The following DHRS7B variants were observed in gnomAD, a reference collection of about 807,000 sequenced individuals.
DHRS7B encodes dehydrogenase/reductase 7B, also known as peroxisomal reductase activating PPAR-gamma.
Under a neutral mutation model 26.4 loss-of-function variants are expected in DHRS7B, and 24 were observed. The observed-to-expected ratio is 0.91, with a 90% CI of 0.66 to 1.28. DHRS7B has a LOEUF of 1.28. DHRS7B is among the 50% of genes most tolerant of loss of function. The probability of loss-of-function intolerance (pLI) is 0.00; values close to 1 mark genes in which losing one functional copy is unlikely to be tolerated. For synonymous variants in DHRS7B, 142 were observed against 166.4 expected (o/e 0.85, Z 1.13); for missense variants, 368 against 419.4 (o/e 0.88, Z 1.07).
At chr17:21,148,238 G>T (rs1301149147) in intron 1 of DHRS7B, among the ~76,000 whole-genome samples, 2 of 151,704 alleles carry the variant, frequency 1.3e-5, no homozygotes, top group Non-Finnish European at 2.9e-5. Flanking sequence ...TTTAAAAAAA[G>T]AATTCAAAAT....
chr17:21,133,851 G>A (rs1485497267), intron 1 of DHRS7B, among the ~76,000 whole-genome samples: 1 of 152,102 alleles, frequency 6.6e-6, no homozygotes, highest in Non-Finnish European at 1.5e-5. Context: ...TGGAAAAATC[G>A]ATATTGGCCA....
chr17:21,183,963 T>C (rs1974572687), intron 4 of DHRS7B, among the ~76,000 whole-genome samples, 153 bp downstream of exon 4: 1 of 152,236 alleles, frequency 6.6e-6, no homozygotes, highest in Non-Finnish European at 1.5e-5. Flanking sequence ...GGGTATTTGC[T>C]TTATAGCTTC....
In DHRS7B at chr17:21,141,640, A is replaced by AG; in HGVS notation, c.20+14649_20+14650insG. Among the ~76,000 whole-genome samples the AG allele has an allele frequency of 2.2e-5, 2 of 90,078 alleles. 1 individual carries two copies. Among genetic ancestry groups the AG allele is most frequent in the Non-Finnish European group, 4.1e-5 (2 of 48,492 alleles). 59.1% of individuals were successfully genotyped at this position (90,078 alleles called of 152,430 possible). ...AAAGCAAAAAAAAAAAAAAAAAAAA[A>AG]CAACCTCATCTCAAACTCCACAAAG... is the stretch of plus-strand genomic sequence containing the variant. On this transcript the variant is annotated intron_variant, in intron 1 of 6. Coordinates refer to ENST00000395511, the MANE Select transcript of DHRS7B (RefSeq NM_015510.5).
chr17:21,166,709 G>T (rs1218041412), intron 1 of DHRS7B, among the ~76,000 whole-genome samples: 1 of 152,136 alleles, frequency 6.6e-6, no homozygotes, highest in African/African-American at 2.4e-5. Context: ...AGTACGTGTA[G>T]GTTTGTGGGA....
chr17:21,149,864 T>G (rs1973724074), intron 1 of DHRS7B, among the ~76,000 whole-genome samples: 1 of 146,976 alleles, frequency 6.8e-6, no homozygotes, highest in Non-Finnish European at 1.5e-5. Context: ...AAGAGAGGAG[T>G]TGCAAAACAA....
intron 1 of DHRS7B, among the ~76,000 whole-genome samples, chr17:21,155,700 C>T (rs1435089921): frequency 2.0e-5 from 3 of 152,146 alleles, no homozygotes; most frequent in African/African-American, 7.2e-5. Flanking sequence ...GAAACATTCA[C>T]TTAGACCACA....
intron 1 of DHRS7B, 38 bp downstream of exon 1, chr17:21,127,029 G>T: frequency 1.3e-6 from 2 of 1,511,906 alleles, no homozygotes; most frequent in South Asian, 1.2e-5. Flanking sequence ...GAGATGAGGC[G>T]ATAGGGTCTG....
At chr17:21,151,868 G>A (rs1430339435) in intron 1 of DHRS7B, among the ~76,000 whole-genome samples, 1 of 152,164 alleles carries the variant, frequency 6.6e-6, no homozygotes, top group Non-Finnish European at 1.5e-5. Context: ...TGGATCATGA[G>A]GAATCTTATG....
chr17:21,157,481 G>A (rs1191890995), intron 1 of DHRS7B, among the ~76,000 whole-genome samples: 1 of 152,120 alleles, frequency 6.6e-6, no homozygotes, highest in African/African-American at 2.4e-5. Flanking sequence ...AGAATTGCGT[G>A]AGGCCAGGAA....
At chr17:21,168,236 A>G (rs961597132) in intron 1 of DHRS7B, among the ~76,000 whole-genome samples, 2 of 152,236 alleles carry the variant, frequency 1.3e-5, no homozygotes, top group African/African-American at 4.8e-5. Flanking sequence ...GGGATTATCA[A>G]TATGAACAAC....
At chr17:21,139,341 C>T (rs993158077) in intron 1 of DHRS7B, among the ~76,000 whole-genome samples, 4 of 152,114 alleles carry the variant, frequency 2.6e-5, no homozygotes, top group Non-Finnish European at 4.4e-5. Flanking sequence ...ACCCCCGTGC[C>T]ATATTTTGAC....
intron 1 of DHRS7B, among the ~76,000 whole-genome samples, chr17:21,134,778 A>G (rs1235616631): frequency 1.3e-5 from 2 of 152,244 alleles, no homozygotes; most frequent in African/African-American, 4.8e-5. Context: ...TGTTCATAGG[A>G]GTATGCTGAA....
intron 3 of DHRS7B, among the ~76,000 whole-genome samples, chr17:21,180,783 C>G (rs1974500243): frequency 2.6e-5 from 4 of 152,298 alleles, no homozygotes; most frequent in South Asian, 4.1e-4. Flanking sequence ...TCCATCTGTC[C>G]TTTTTCAGGA....
intron 2 of DHRS7B, among the ~76,000 whole-genome samples, chr17:21,174,317 T>C (rs533940381): frequency 1.3e-5 from 2 of 152,358 alleles, no homozygotes; most frequent in Admixed American, 1.3e-4. Flanking sequence ...CCTCTTGAGC[T>C]TGTCCTTGTA....
At chr17:21,140,505 C>CACACACAG (rs1973476386) in intron 1 of DHRS7B, among the ~76,000 whole-genome samples, 1 of 148,064 alleles carries the variant, frequency 6.8e-6, no homozygotes. Flanking sequence ...CACACACACA[C>CACACACAG]ACACACACAC....
chr17:21,135,344 T>C (rs893935589), intron 1 of DHRS7B, among the ~76,000 whole-genome samples: 3 of 152,230 alleles, frequency 2.0e-5, no homozygotes, highest in African/African-American at 7.2e-5. Context: ...TGTTATTTTT[T>C]GGACTTTAGG....
Position 21,178,234 on chromosome 17 carries a change from A to T in DHRS7B, c.201A>T (p.Glu67Asp). ...CAAGGCTCTTTTCTCTTCCCTTAGA[A>T]TGTGCAAAAGTCTTCTATGCTGCGG... The part of the protein sequence containing the change: ...ITGATSGLGK[E>D]CAKVFYAAGA... The change falls in exon 3 of 7, where the codon GAA becomes GAT. Residue 67 changes from glutamate to aspartate, a missense_variant and splice_region_variant. By Grantham distance (45) the Glu-to-Asp change is conservative. Transcript: ENST00000395511. 6.2e-7 allele frequency: 1 copy of T among 1,614,178 alleles called. No homozygotes were observed. The highest frequency in any genetic ancestry group is 8.5e-7 in the Non-Finnish European group (1 of 1,179,990).
Position 21,172,076 on chromosome 17 carries a change from C to T in DHRS7B, c.79C>T (p.Leu27=), listed in dbSNP as rs761362724. 3.1e-6 allele frequency: 5 copies of T among 1,614,116 alleles called. No homozygotes were observed. Among genetic ancestry groups the T allele is most frequent in the Non-Finnish European group, 4.2e-6 (5 of 1,180,058 alleles). ...DFITSTAILP[L]LFGCLGVFGL... is the part of the protein sequence containing the mutation. ...CATCACCTCCACAGCCATCCTGCCCCTGCTGTTCGGCTGCCTGGGCGTCTT... is the reference window on the plus strand; with the variant it reads ...CATCACCTCCACAGCCATCCTGCCCTTGCTGTTCGGCTGCCTGGGCGTCTT... The change falls in exon 2 of 7, where the codon CTG becomes TTG. Residue 27 remains leucine, a synonymous_variant. Transcript: ENST00000395511.
chr17:21,190,344 A>G (rs1440263601), intron 6 of DHRS7B, among the ~76,000 whole-genome samples: 2 of 152,152 alleles, frequency 1.3e-5, no homozygotes, highest in Non-Finnish European at 2.9e-5. Flanking sequence ...AACACCTAAA[A>G]CAAACTAAGG....
Sources: allele counts gnomAD v4.1 joint callset (sites outside exome capture counted in the v4.1 genomes callset), GRCh38; gene constraint gnomAD v4.1.1; transcripts MANE v1.5; gene names NCBI Gene and HGNC (gene_info 2026-07-23, HGNC 2026-07-21).